Variants in TSR1 observed in about 807,000 individuals in gnomAD.
The protein encoded by TSR1 is TSR1 ribosome maturation factor, also known as pre-rRNA-processing protein TSR1 homolog.
In TSR1, 81 loss-of-function variants were observed where a neutral mutation model predicts 90.9. The ratio of observed to expected loss-of-function variants is 0.89; its 90% confidence interval spans 0.74 to 1.07. TSR1 has a LOEUF of 1.07. Ranked by LOEUF, TSR1 falls within the 50% of genes least tolerant of loss-of-function variation. The pLI, the probability that TSR1 is intolerant of heterozygous loss-of-function variation, is 0.00. For synonymous variants in TSR1, 362 were observed against 348.8 expected, an observed-to-expected ratio of 1.04 and a Z score of -0.42; for missense variants, 989 against 987.3, an observed-to-expected ratio of 1.00 and a Z score of -0.02.
chr17:2,333,222 A>T, intron 6 of TSR1, 98 bp from the exon 7 acceptor site: 1 of 1,385,448 alleles, frequency 7.2e-7, no homozygotes, highest in Non-Finnish European at 1.0e-6. Flanking sequence ...TGCTGCCAAC[A>T]TGGGAAATTC....
At position 2,322,712 on chromosome 17, in the gene TSR1, T is replaced by A. The variant is rs56664509; in HGVS notation, c.*1484A>T. 0.2 allele frequency: 31,698 copies of A among 155,870 alleles called. 3,641 individuals carry two copies. The highest frequency in any genetic ancestry group is 0.31 in the Admixed American group (4,893 of 15,766). 9.7% of individuals were successfully genotyped at this position (155,870 alleles called of 1,614,324 possible). On this transcript the variant is annotated 3_prime_UTR_variant, in exon 15 of 15. Transcript: ENST00000301364. ...TTTGTATTTTTAGTAGAGACGGGGT[T>A]TCACCGTGTTAGCCAGGATGGTCTT...
rs1335874146 is a variant in TSR1 at position 2,336,342 on chromosome 17, C to G, written c.86G>C (p.Arg29Pro). The part of the protein sequence containing the change: ...GRHRGRGSAQ[R>P]DGKGRLALKT... ...CGTTATCTCCTTACCCTTGCCGTCC[C>G]GCTGTGCAGATCCCCGACCCCGATG... Residue 29 changes from arginine to proline, a missense_variant, in exon 1 of 15, where the codon CGG becomes CCG. Coordinates refer to ENST00000301364, the MANE Select transcript of TSR1 (RefSeq NM_018128.5). 1 of 1,614,096 alleles carries G rather than the reference C, an allele frequency of 6.2e-7. No individual in the cohort carries two copies. Among genetic ancestry groups the G allele is most frequent in the East Asian group, 2.2e-5 (1 of 44,890 alleles).
In TSR1 at chr17:2,336,031, T is replaced by TCTCA; in HGVS notation, c.201+2_201+5dup. ...GCCGCATTCTCCCAAATCCCGCTCC[T>TCTCA]CTCACCGCCTCCTTCTTCTGCTTTC... On this transcript the variant is annotated splice_donor_region_variant and intron_variant, in intron 2 of 14. Coordinates refer to ENST00000301364, the MANE Select transcript of TSR1 (RefSeq NM_018128.5). 6.2e-7 allele frequency: 1 copy of TCTCA among 1,614,114 alleles called. No homozygotes were observed. The highest frequency in any genetic ancestry group is 1.1e-5 in the South Asian group (1 of 91,082).
rs779775049 is a variant in TSR1, at chr17:2,335,253, CACTT to C, written c.556+3_556+6del. 2.5e-6 allele frequency: 4 copies of C among 1,613,062 alleles called. No homozygotes were observed. Among genetic ancestry groups the C allele is most frequent in the South Asian group, 2.2e-5 (2 of 90,856 alleles). ...TAAAGGTGCACAATAAATGCTAACTCACTTACTATAGGTCGGAAGGCCCTGAGCA... is the reference window on the plus strand; with the variant it reads ...TAAAGGTGCACAATAAATGCTAACTCACTATAGGTCGGAAGGCCCTGAGCA... On this transcript the variant is annotated splice_donor_5th_base_variant and intron_variant, in intron 4 of 14. Transcript: ENST00000301364.
Position 2,332,339 on chromosome 17 carries a change from C to A in TSR1, c.1326G>T (p.Glu442Asp). 6.2e-7 allele frequency: 1 copy of A among 1,604,756 alleles called. No homozygotes were observed. The highest frequency in any genetic ancestry group is 8.5e-7 in the Non-Finnish European group (1 of 1,177,588). ...EESQDESSEE[E>D]EEYETMTIGE... Reference sequence around the variant, plus strand: ...CAATAGTCATAGTTTCATATTCTTCCTCTTCTTCACTACTCTCATCCTGTA... The same window carrying A: ...CAATAGTCATAGTTTCATATTCTTCATCTTCTTCACTACTCTCATCCTGTA... Residue 442 changes from glutamate to aspartate, a missense_variant, in exon 8 of 15, where the codon GAG (glutamate) becomes GAT (aspartate). Glu to Asp is a conservative substitution (Grantham distance 45). Transcript: ENST00000301364.
chr17:2,324,884 T>G, intron 12 of TSR1, 55 bp from the exon 13 acceptor site: 1 of 1,561,926 alleles, frequency 6.4e-7, no homozygotes, highest in Non-Finnish European at 8.6e-7. Context: ...AAGTCTTCAT[T>G]TATTGCCCAG....
chr17:2,326,408 G>T (rs1165266088), intron 11 of TSR1, among the ~76,000 whole-genome samples: 1 of 151,966 alleles, frequency 6.6e-6, no homozygotes, highest in Non-Finnish European at 1.5e-5. Flanking sequence ...CATTTCTGCT[G>T]CAAGTCCCGT....
In TSR1 at chr17:2,328,581, T is replaced by A. The variant is rs529430184; in HGVS notation, c.1903+762A>T. Reference sequence around the variant, plus strand: ...TCCAGCCTGGGCAACGGAGTAAGACTCCGTCTCCAAAAAAACAAACAAACA... The same window carrying A: ...TCCAGCCTGGGCAACGGAGTAAGACACCGTCTCCAAAAAAACAAACAAACA... On this transcript the variant is annotated intron_variant, in intron 11 of 14. Transcript: ENST00000301364. 8.4e-4 allele frequency among the ~76,000 whole-genome samples: 126 copies of A among 149,176 alleles called. 1 individual carries two copies. The highest frequency in any genetic ancestry group is 3.1e-3 in the African/African-American group (126 of 40,284).
chr17:2,336,256 A>G (rs1233145421), intron 1 of TSR1, 75 bp downstream of exon 1: 1 of 1,594,114 alleles, frequency 6.3e-7, no homozygotes, highest in African/African-American at 1.3e-5. Context: ...GGGAGACAGA[A>G]GCTCAGTCTG....
intron 11 of TSR1, among the ~76,000 whole-genome samples, chr17:2,326,359 G>C (rs1250628467): frequency 3.3e-5 from 5 of 151,862 alleles, no homozygotes; most frequent in Non-Finnish European, 1.5e-5. Context: ...CAAGTTAGTG[G>C]GCAACATATC....
Position 2,322,921 on chromosome 17 carries a change from CG to C in TSR1, c.*1274del. On this transcript the variant is annotated 3_prime_UTR_variant, in exon 15 of 15. Coordinates refer to ENST00000301364, the MANE Select transcript of TSR1 (RefSeq NM_018128.5). ...CTGGGATTACAGGGGTCTGCCACCA[CG>C]CCTGGCTGATTTTCCTATTTTTAGT... 1 of 514,516 alleles carries C rather than the reference CG, an allele frequency of 1.9e-6. No individual in the cohort carries two copies. The highest frequency in any genetic ancestry group is 3.5e-6 in the Non-Finnish European group (1 of 283,920). The allele number at this position is 514,516 out of a possible 1,614,324, so 31.9% of individuals were successfully genotyped here. A position where few individuals can be genotyped will look rare whatever the true frequency, so the allele number is the denominator to read the frequency against.
chr17:2,334,440 A>T (rs1372631704), intron 5 of TSR1, 32 bp downstream of exon 5: 40 of 1,590,730 alleles, frequency 2.5e-5, no homozygotes, highest in Non-Finnish European at 3.3e-5. Context: ...GCCAACTTTC[A>T]TATGAACATG....
intron 2 of TSR1, 70 bp from the exon 3 acceptor site, chr17:2,335,800 C>A: frequency 6.7e-7 from 1 of 1,503,558 alleles, no homozygotes; most frequent in South Asian, 1.2e-5. Flanking sequence ...CATTTCCACT[C>A]CCACAGATGC....
Position 2,336,439 on chromosome 17 carries a change from C to G in TSR1, c.-12G>C. 1.2e-6 allele frequency: 2 copies of G among 1,607,948 alleles called. No homozygotes were observed. Among genetic ancestry groups the G allele is most frequent in the Non-Finnish European group, 1.7e-6 (2 of 1,179,412 alleles). On this transcript the variant is annotated 5_prime_UTR_variant, in exon 1 of 15. Coordinates refer to ENST00000301364, the MANE Select transcript of TSR1 (RefSeq NM_018128.5). The stretch of plus-strand genomic sequence containing the variant: ...CGGTGGGCCGCCATGCCGCAGCGCG[C>G]GTGTACGGAGTCAGCACTGCTTCCG...
intron 11 of TSR1, among the ~76,000 whole-genome samples, chr17:2,328,777 A>G (rs942888489): frequency 6.6e-5 from 10 of 150,792 alleles, no homozygotes; most frequent in South Asian, 2.1e-4. Flanking sequence ...TTAGCTGGGC[A>G]TGGTGGCGGG....
chr17:2,334,242 G>A (rs1391597688), intron 5 of TSR1, among the ~76,000 whole-genome samples: 1 of 152,172 alleles, frequency 6.6e-6, no homozygotes, highest in East Asian at 1.9e-4. Context: ...CTTGAGGAAA[G>A]CAACCACATC....
chr17:2,324,318 C>T lies in TSR1; in HGVS notation c.2293G>A (p.Val765Ile), dbSNP rs763500795. ...FDGKLKSQDT[V>I]LMNLYKRVFP... is the part of the protein sequence containing the mutation. The stretch of plus-strand genomic sequence containing the variant: ...ACTCGTTTATACAGGTTCATCAGTA[C>T]TGTGTCTTGAGATTTTAGCTTCCCA... Residue 765 changes from valine (V) to isoleucine (I), a missense_variant, in exon 15 of 15, where the codon GTA becomes ATA. Transcript: ENST00000301364. The T allele has an allele frequency of 5.1e-6, 8 of 1,569,188 alleles. No homozygotes were observed. The highest frequency in any genetic ancestry group is 3.4e-4 in the Middle Eastern group (2 of 5,850).
chr17:2,329,208 C>T, intron 11 of TSR1, 135 bp downstream of exon 11: 1 of 1,340,264 alleles, frequency 7.5e-7, no homozygotes, highest in Non-Finnish European at 1.1e-6. Context: ...ATCATTGGCT[C>T]TTAAGCCAGA....
chr17:2,323,275 G>C lies in TSR1; in HGVS notation c.*921C>G. The C allele has an allele frequency of 6.2e-7, 1 of 1,614,130 alleles. No homozygotes were observed. The highest frequency in any genetic ancestry group is 8.5e-7 in the Non-Finnish European group (1 of 1,179,994). Reference sequence around the variant, plus strand: ...GCAGATGGTGTCAAATCCAGCATTGGCTTGAACACCTGGCCTATTATCAGG... The same window carrying C: ...GCAGATGGTGTCAAATCCAGCATTGCCTTGAACACCTGGCCTATTATCAGG... On this transcript the variant is annotated 3_prime_UTR_variant, in exon 15 of 15. Coordinates refer to ENST00000301364, the MANE Select transcript of TSR1 (RefSeq NM_018128.5).
Sources: gnomAD v4.1 joint callset for allele counts (sites outside exome capture counted in the v4.1 genomes callset) on GRCh38, gnomAD v4.1.1 for gene constraint, MANE v1.5 for transcripts, NCBI Gene and HGNC (gene_info 2026-07-23, HGNC 2026-07-21) for gene names.